Variants in CLOCK observed in about 807,000 individuals in gnomAD.
CLOCK encodes the protein clock circadian regulator.
CLOCK carries 43 observed loss-of-function variants against 118.4 expected under a neutral mutation model. That is an observed-to-expected ratio of 0.36 (90% CI 0.28 to 0.47). The LOEUF (loss-of-function observed/expected upper bound fraction) is 0.47. CLOCK is among the 20% of genes least tolerant of loss of function. The pLI is 1.00. For missense variants in CLOCK, 846 were observed against 999.9 expected (o/e 0.85, Z 2.08); for synonymous variants, 326 against 339.2 (o/e 0.96, Z 0.43).
intron 1 of CLOCK, among the ~76,000 whole-genome samples, chr4:55,523,161 A>G (rs1729951625): frequency 6.6e-6 from 1 of 151,796 alleles, no homozygotes; most frequent in South Asian, 2.1e-4. Context: ...TTAGCTAGGC[A>G]TGGTGGTGGG....
rs150824003 is a variant in CLOCK at position 55,523,606 on chromosome 4, C to T, written c.-289-13541G>A. On this transcript the variant is annotated intron_variant, in intron 1 of 22. Transcript: ENST00000513440. The stretch of plus-strand genomic sequence containing the variant: ...GGTAATGTCCTCTGAATGCAACTGG[C>T]TGATCATCCATGCACGAATCTGGAA... Among the ~76,000 whole-genome samples the T allele has an allele frequency of 4.3e-3, 655 of 152,312 alleles. 3 individuals are homozygous for T. The highest frequency in any genetic ancestry group is 0.015 in the African/African-American group (609 of 41,566).
chr4:55,444,903 A>AT, intron 18 of CLOCK, 118 bp from the exon 19 acceptor site: 1 of 1,014,184 alleles, frequency 9.9e-7, no homozygotes, highest in Non-Finnish European at 1.5e-6. Flanking sequence ...ATCCTTCACT[A>AT]GTTATGTCCC....
intron 2 of CLOCK, among the ~76,000 whole-genome samples, chr4:55,497,068 T>C (rs554923995): frequency 2.6e-5 from 4 of 152,194 alleles, no homozygotes; most frequent in African/African-American, 9.7e-5. Context: ...CAACACAAAT[T>C]TACTATCTTA....
chr4:55,441,884 G>C (rs2109677085), intron 21 of CLOCK, among the ~76,000 whole-genome samples: 2 of 152,272 alleles, frequency 1.3e-5, no homozygotes, highest in South Asian at 4.1e-4. Flanking sequence ...CTGAAATGAA[G>C]ACACCAAGGT....
At chr4:55,479,323 G>A (rs571528000) in intron 5 of CLOCK, among the ~76,000 whole-genome samples, 2 of 152,158 alleles carry the variant, frequency 1.3e-5, no homozygotes, top group East Asian at 3.9e-4. Flanking sequence ...ATGTGAAGCA[G>A]TAACCAGTAA....
At chr4:55,539,572 C>CAAAAAAAAAAAAAAAAAAA (rs57022769) in intron 1 of CLOCK, among the ~76,000 whole-genome samples, 1 of 52,064 alleles carries the variant, frequency 1.9e-5, no homozygotes, top group Non-Finnish European at 3.2e-5. Context: ...GACCTTGTCT[C>CAAAAAAAAAAAAAAAAAAA]AAAAAAAAAA....
rs921237303 is a variant in CLOCK, at chr4:55,528,451, G to A, written c.-290+18331C>T. Among the ~76,000 whole-genome samples, 4 of 152,218 alleles carry A rather than the reference G, an allele frequency of 2.6e-5. No homozygotes were observed. The South Asian group carries it at 8.3e-4, about 32-fold the overall frequency. On this transcript the variant is annotated intron_variant, in intron 1 of 22. Coordinates refer to ENST00000513440, the MANE Select transcript of CLOCK (RefSeq NM_004898.4). ...GCCTTATTTTAAAGAAACCTGGGGAGTGAATGAGATGATGATGGTGATAAA... is the reference window on the plus strand; with the variant it reads ...GCCTTATTTTAAAGAAACCTGGGGAATGAATGAGATGATGATGGTGATAAA...
intron 21 of CLOCK, among the ~76,000 whole-genome samples, chr4:55,441,940 C>T (rs1274611140): frequency 1.3e-5 from 2 of 152,162 alleles, no homozygotes; most frequent in East Asian, 1.9e-4. Flanking sequence ...AGCTATAGAT[C>T]CCTTGGCTAA....
chr4:55,483,171 T>G (rs1486818067), intron 3 of CLOCK, among the ~76,000 whole-genome samples: 5 of 152,212 alleles, frequency 3.3e-5, no homozygotes, highest in Non-Finnish European at 7.3e-5. Context: ...AATAAATATT[T>G]GTTGAAAGCC....
intron 18 of CLOCK, among the ~76,000 whole-genome samples, chr4:55,448,425 A>G (rs1366817667): frequency 2.0e-5 from 3 of 152,156 alleles, no homozygotes; most frequent in African/African-American, 4.8e-5. Context: ...TTTGTTGTGC[A>G]AGACTCTTAT....
Position 55,443,876 on chromosome 4 carries a change from A to T in CLOCK, c.1713T>A (p.Asn571Lys). 1.2e-6 allele frequency: 2 copies of T among 1,612,894 alleles called. No homozygotes were observed. Among genetic ancestry groups the T allele is most frequent in the Non-Finnish European group, 1.7e-6 (2 of 1,179,938 alleles). The stretch of plus-strand genomic sequence containing the variant: ...GAACGGAACCAAAATTCAACCCAGG[A>T]TTTGATTGTTGCAAAAACATCTTTA... ...QGLQMFLQQSNPGLNFGSVQL... is the reference protein window; with the variant it reads ...QGLQMFLQQSKPGLNFGSVQL... The change falls in exon 20 of 23, where the codon AAT (asparagine) becomes AAA (lysine). Residue 571 changes from asparagine (N) to lysine (K), a missense_variant. By Grantham distance (94) the Asn-to-Lys change is moderately conservative (BLOSUM62 0). Transcript: ENST00000513440.
rs1461571877 is a variant in CLOCK at position 55,453,661 on chromosome 4, C to T, written c.1130+16G>A. 1.9e-5 allele frequency: 31 copies of T among 1,602,242 alleles called. No individual in the cohort carries two copies. The highest frequency in any genetic ancestry group is 2.6e-5 in the Non-Finnish European group (30 of 1,171,150). On this transcript the variant is annotated intron_variant, in intron 14 of 22. Transcript: ENST00000513440. Reference sequence around the variant, plus strand: ...GATGTTACAGTAATTCAGAAATTCTCTAAAAGAATTATTACCTTACTACAG... The same window carrying T: ...GATGTTACAGTAATTCAGAAATTCTTTAAAAGAATTATTACCTTACTACAG...
intron 1 of CLOCK, among the ~76,000 whole-genome samples, chr4:55,517,781 G>A (rs1253504595): frequency 6.6e-6 from 1 of 152,072 alleles, no homozygotes; most frequent in African/African-American, 2.4e-5. Context: ...TTGCTTAATG[G>A]TTATGGGATA....
chr4:55,455,795 A>T, intron 13 of CLOCK, 102 bp downstream of exon 13: 1 of 876,708 alleles, frequency 1.1e-6, no homozygotes. Flanking sequence ...TTTCAAAAAT[A>T]TGAAAATGAT....
intron 1 of CLOCK, among the ~76,000 whole-genome samples, chr4:55,510,505 T>C (rs1729071173): frequency 6.6e-6 from 1 of 151,882 alleles, no homozygotes; most frequent in African/African-American, 2.4e-5. Flanking sequence ...CATGCACCTA[T>C]AATCCCAGCT....
chr4:55,516,314 A>G (rs1364926134), intron 1 of CLOCK, among the ~76,000 whole-genome samples: 1 of 152,214 alleles, frequency 6.6e-6, no homozygotes, highest in Non-Finnish European at 1.5e-5. Context: ...TCTCCATTAT[A>G]AGAGCAGATT....
chr4:55,491,775 T>A (rs934384182), intron 2 of CLOCK, among the ~76,000 whole-genome samples: 2 of 152,212 alleles, frequency 1.3e-5, no homozygotes, highest in African/African-American at 4.8e-5. Context: ...GAAGACTGCA[T>A]GCAACAGCAC....
intron 1 of CLOCK, among the ~76,000 whole-genome samples, chr4:55,537,928 G>C (rs1425836389): frequency 2.6e-5 from 4 of 152,098 alleles, no homozygotes; most frequent in African/African-American, 7.2e-5. Context: ...AAACCCAAAA[G>C]TAAGCTGAGG....
chr4:55,469,325 C>T (rs1270046242), intron 8 of CLOCK, among the ~76,000 whole-genome samples: 4 of 152,070 alleles, frequency 2.6e-5, no homozygotes, highest in African/African-American at 9.7e-5. Context: ...AAACTCTCAA[C>T]CTCAGGTGAT....
Sources: allele counts gnomAD v4.1 joint callset (sites outside exome capture counted in the v4.1 genomes callset), GRCh38; gene constraint gnomAD v4.1.1; transcripts MANE v1.5; gene names NCBI Gene and HGNC (gene_info 2026-07-23, HGNC 2026-07-21).